CLPX: variants seen among roughly 807,000 people sequenced by gnomAD.
The protein encoded by CLPX is caseinolytic mitochondrial matrix peptidase chaperone subunit X, also known as ATP-dependent clpX-like chaperone, mitochondrial.
In CLPX, 34 loss-of-function variants were observed where a neutral mutation model predicts 76.4. That is an observed-to-expected ratio of 0.45 (90% CI 0.34 to 0.59). The LOEUF (loss-of-function observed/expected upper bound fraction) is 0.59, where lower values mean the gene tolerates loss of function less well. Ranked by LOEUF, CLPX falls within the 20% of genes least tolerant of loss-of-function variation. The probability of loss-of-function intolerance (pLI) is 0.01; values close to 1 mark genes in which losing one functional copy is unlikely to be tolerated. For missense variants in CLPX, 613 were observed against 757.0 expected (o/e 0.81, Z 2.23); for synonymous variants, 248 against 270.9 (o/e 0.92, Z 0.83).
At chr15:65,167,695 A>T (rs1364410327) in intron 3 of CLPX, among the ~76,000 whole-genome samples, 1 of 150,246 alleles carries the variant, frequency 6.7e-6, no homozygotes, top group East Asian at 2.0e-4. Flanking sequence ...GGCCAACATG[A>T]TGAAACCCCG....
intron 8 of CLPX, 33 bp from the exon 9 acceptor site, chr15:65,156,965 G>A (rs1264408206): frequency 2.5e-5 from 35 of 1,418,718 alleles, no homozygotes; most frequent in Admixed American, 3.6e-5. Flanking sequence ...TTTATAATAC[G>A]AAAAAGATAT....
At chr15:65,161,440 T>G (rs1251135912) in intron 6 of CLPX, among the ~76,000 whole-genome samples, 1 of 152,228 alleles carries the variant, frequency 6.6e-6, no homozygotes, top group Non-Finnish European at 1.5e-5. Flanking sequence ...TAAAATCCCA[T>G]GTAAAACACA....
intron 3 of CLPX, among the ~76,000 whole-genome samples, chr15:65,167,365 C>T (rs146365721): frequency 2.3e-3 from 346 of 152,128 alleles, no homozygotes; most frequent in African/African-American, 8.1e-3. Flanking sequence ...CCACCGCACC[C>T]GGCCCACTAA....
intron 4 of CLPX, among the ~76,000 whole-genome samples, chr15:65,165,155 G>C (rs2087894135): frequency 6.6e-6 from 1 of 151,798 alleles, no homozygotes; most frequent in African/African-American, 2.4e-5. Flanking sequence ...TGGACAACAT[G>C]GCAAAACCCT....
At chr15:65,184,906 C>G (rs763773573) in intron 1 of CLPX, among the ~76,000 whole-genome samples, 169 bp downstream of exon 1, 45 of 152,386 alleles carry the variant, frequency 3.0e-4, no homozygotes, top group Non-Finnish European at 5.0e-4. Context: ...CAGAGGTTGG[C>G]AGAGCCCCAT....
chr15:65,175,679 T>A (rs2140644591), intron 3 of CLPX, among the ~76,000 whole-genome samples: 1 of 152,258 alleles, frequency 6.6e-6, no homozygotes, highest in South Asian at 2.1e-4. Context: ...ATGGAGCATT[T>A]CCTTTAAGCG....
chr15:65,174,868 G>C (rs1356175766), intron 3 of CLPX, among the ~76,000 whole-genome samples: 1 of 152,040 alleles, frequency 6.6e-6, no homozygotes, highest in East Asian at 1.9e-4. Context: ...CCACTGTTCG[G>C]GAGTCAACTG....
chr15:65,171,185 G>A (rs1368908818), intron 3 of CLPX, among the ~76,000 whole-genome samples: 2 of 152,050 alleles, frequency 1.3e-5, no homozygotes, highest in East Asian at 1.9e-4. Context: ...GGTGGCTAAC[G>A]CCTGTAATCC....
chr15:65,154,763 C>T lies in CLPX; in HGVS notation c.1611+19G>A, dbSNP rs778135061. ...CAAGAAAATAAAAAATAACTAAGTA[C>T]AAAAAATAAAAATCTAACCTTATCC... On this transcript the variant is annotated intron_variant, in intron 11 of 13. Transcript: ENST00000300107. 3 of 1,554,048 alleles carry T rather than the reference C, an allele frequency of 1.9e-6. No individual in the cohort carries two copies. Among genetic ancestry groups the T allele is most frequent in the Non-Finnish European group, 2.6e-6 (3 of 1,146,474 alleles).
rs1378427157 is a variant in CLPX at position 65,179,998 on chromosome 15, AG to A, written c.240+45del. On this transcript the variant is annotated intron_variant, in intron 2 of 13. Coordinates refer to ENST00000300107, the MANE Select transcript of CLPX (RefSeq NM_006660.5). ...CAGTACTGTTATATTTTTTTAAAGG[AG>A]GGAACTCACAATGTGTACAGATGCC... 2.2e-6 allele frequency: 3 copies of A among 1,395,134 alleles called. No individual in the cohort carries two copies. In the African/African-American group the frequency reaches 4.3e-5, roughly 20 times the overall value. The allele number at this position is 1,395,134 out of a possible 1,614,324, so 86.4% of individuals were successfully genotyped here. A position where few individuals can be genotyped will look rare whatever the true frequency, so the allele number is the denominator to read the frequency against.
intron 3 of CLPX, among the ~76,000 whole-genome samples, chr15:65,171,427 A>G (rs117569451): frequency 0.074 from 11,295 of 151,960 alleles, 563 homozygotes; most frequent in Middle Eastern, 0.12. Context: ...AGCCTGGGCA[A>G]TAGAGCGAGA....
intron 1 of CLPX, 74 bp downstream of exon 1, chr15:65,185,000 CG>C: frequency 7.4e-7 from 1 of 1,343,708 alleles, no homozygotes; most frequent in South Asian, 1.3e-5. Flanking sequence ...GTGCCCTCCC[CG>C]GGGCCCCCAA....
intron 3 of CLPX, among the ~76,000 whole-genome samples, chr15:65,175,028 T>A (rs2088070821): frequency 6.6e-6 from 1 of 152,232 alleles, no homozygotes; most frequent in African/African-American, 2.4e-5. Context: ...GGTCTATTCT[T>A]TTCTCATAAA....
intron 3 of CLPX, among the ~76,000 whole-genome samples, chr15:65,169,822 C>T (rs2140636154): frequency 6.6e-6 from 1 of 150,818 alleles, no homozygotes; most frequent in Non-Finnish European, 1.5e-5. Context: ...ATGGTGCAAT[C>T]TCGGCTTACT....
Position 65,149,543 on chromosome 15 carries a change from A to T in CLPX, c.*1280T>A. On this transcript the variant is annotated 3_prime_UTR_variant, in exon 14 of 14. Coordinates refer to ENST00000300107, the MANE Select transcript of CLPX (RefSeq NM_006660.5). ...AGCCAGACTTCAATTCCATGTACTC[A>T]CCCATAGTACTAAAATGGATTAAAG... 2.2e-6 allele frequency: 1 copy of T among 448,592 alleles called. No individual in the cohort carries two copies. The highest frequency in any genetic ancestry group is 3.3e-4 in the Middle Eastern group (1 of 3,026). The allele number at this position is 448,592 out of a possible 1,614,324, so 27.8% of individuals were successfully genotyped here.
At chr15:65,154,173 A>G (rs1358688806) in intron 11 of CLPX, among the ~76,000 whole-genome samples, 1 of 152,252 alleles carries the variant, frequency 6.6e-6, no homozygotes, top group Non-Finnish European at 1.5e-5. Flanking sequence ...CCATTCCAGA[A>G]GTAAAGAGGA....
rs1221723007 is a variant in CLPX at position 65,149,474 on chromosome 15, C to CA, written c.*1348dup. On this transcript the variant is annotated 3_prime_UTR_variant, in exon 14 of 14. Coordinates refer to ENST00000300107, the MANE Select transcript of CLPX (RefSeq NM_006660.5). The stretch of plus-strand genomic sequence containing the variant: ...TGGGTGACACAGCGAGACTCTGTCT[C>CA]AAAAAAATAAAATAAAATAGATATA... The CA allele has an allele frequency of 4.3e-5, 15 of 347,018 alleles. No individual in the cohort carries two copies. The East Asian group carries it at 7.5e-4, about 17-fold the overall frequency. The allele number at this position is 347,018 out of a possible 1,614,324, so 21.5% of individuals were successfully genotyped here.
intron 8 of CLPX, among the ~76,000 whole-genome samples, 160 bp downstream of exon 8, chr15:65,157,586 G>A (rs2087804760): frequency 6.6e-6 from 1 of 152,184 alleles, no homozygotes; most frequent in Non-Finnish European, 1.5e-5. Flanking sequence ...AGCAAACTAT[G>A]TGGCCCTTAA....
intron 3 of CLPX, among the ~76,000 whole-genome samples, chr15:65,167,327 C>G (rs1341024315): frequency 1.3e-5 from 2 of 152,044 alleles, no homozygotes; most frequent in Non-Finnish European, 2.9e-5. Flanking sequence ...TCTCCGCCTC[C>G]CAAAGTGCTG....
Sources: allele counts gnomAD v4.1 joint callset (sites outside exome capture counted in the v4.1 genomes callset), GRCh38; gene constraint gnomAD v4.1.1; transcripts MANE v1.5; gene names NCBI Gene and HGNC (gene_info 2026-07-23, HGNC 2026-07-21).